The following SPON1 variants were observed in gnomAD, a reference collection of about 807,000 sequenced individuals.
SPON1 encodes spondin-1.
In SPON1, 52 loss-of-function variants were observed where a neutral mutation model predicts 111.7. The observed-to-expected ratio is 0.47, with a 90% confidence interval of 0.37 to 0.59. The LOEUF (loss-of-function observed/expected upper bound fraction) is 0.59, where lower values mean the gene tolerates loss of function less well. SPON1 is among the 20% of genes least tolerant of loss of function. The probability of loss-of-function intolerance (pLI) is 0.00; values close to 1 mark genes in which losing one functional copy is unlikely to be tolerated. For synonymous variants in SPON1, 410 were observed against 395.8 expected (o/e 1.04, Z -0.43); for missense variants, 957 against 1,068.5 (o/e 0.90, Z 1.46).
At chr11:14,040,150 A>G (rs965253283) in intron 2 of SPON1, among the ~76,000 whole-genome samples, 1 of 152,196 alleles carries the variant, frequency 6.6e-6, no homozygotes, top group South Asian at 2.1e-4. Context: ...CTACTACATT[A>G]TCAATCTTGC....
At chr11:14,130,355 A>G (rs1847514430) in intron 5 of SPON1, among the ~76,000 whole-genome samples, 1 of 152,178 alleles carries the variant, frequency 6.6e-6, no homozygotes, top group Admixed American at 6.5e-5. Flanking sequence ...TTGGTGGTAA[A>G]TGGCATTGGA....
At chr11:13,991,555 C>T (rs1272694454) in intron 2 of SPON1, among the ~76,000 whole-genome samples, 1 of 152,102 alleles carries the variant, frequency 6.6e-6, no homozygotes, top group Non-Finnish European at 1.5e-5. Flanking sequence ...TGTTATTACC[C>T]GCCTTCTGAA....
intron 6 of SPON1, among the ~76,000 whole-genome samples, chr11:14,242,861 A>T (rs1376336369): frequency 6.6e-6 from 1 of 152,198 alleles, no homozygotes; most frequent in African/African-American, 2.4e-5. Context: ...GATCCAGCGC[A>T]TGGGTCTCAC....
intron 5 of SPON1, among the ~76,000 whole-genome samples, chr11:14,107,765 G>A (rs1439923969): frequency 1.3e-5 from 2 of 152,154 alleles, no homozygotes; most frequent in African/African-American, 2.4e-5. Flanking sequence ...TCTAAAGTGA[G>A]AGAAACTGTA....
chr11:14,173,542 GC>G (rs1848134746), intron 6 of SPON1, among the ~76,000 whole-genome samples: 1 of 152,196 alleles, frequency 6.6e-6, no homozygotes, highest in African/African-American at 2.4e-5. Context: ...ATGAGGAGCT[GC>G]GTTCCTTTGG....
intron 3 of SPON1, among the ~76,000 whole-genome samples, chr11:14,058,582 G>T (rs192435030): frequency 2.0e-5 from 3 of 152,270 alleles, no homozygotes; most frequent in Admixed American, 2.0e-4. Context: ...CAAGCAGGTG[G>T]AGCAAGGAGG....
At chr11:14,147,473 A>T (rs1212343964) in intron 6 of SPON1, among the ~76,000 whole-genome samples, 1 of 152,178 alleles carries the variant, frequency 6.6e-6, no homozygotes, top group East Asian at 1.9e-4. Context: ...GCTAGAGTGC[A>T]GTGGCACAAA....
intron 6 of SPON1, among the ~76,000 whole-genome samples, 166 bp from the exon 7 acceptor site, chr11:14,243,165 GA>G (rs1351363757): frequency 2.6e-5 from 4 of 152,180 alleles, no homozygotes; most frequent in Non-Finnish European, 4.4e-5. Context: ...CGGTATCACT[GA>G]GGCCCCAGGG....
At chr11:14,015,101 C>T (rs1438509108) in intron 2 of SPON1, among the ~76,000 whole-genome samples, 1 of 152,176 alleles carries the variant, frequency 6.6e-6, no homozygotes, top group African/African-American at 2.4e-5. Context: ...TGGCTCAAAG[C>T]TTATTTCTTG....
intron 6 of SPON1, among the ~76,000 whole-genome samples, chr11:14,178,075 C>A (rs1046273797): frequency 6.6e-6 from 1 of 151,440 alleles, no homozygotes; most frequent in Non-Finnish European, 1.5e-5. Context: ...CACACACACA[C>A]GCTTTGGTCT....
intron 5 of SPON1, among the ~76,000 whole-genome samples, chr11:14,106,403 G>T (rs1208611586): frequency 2.6e-5 from 4 of 152,120 alleles, no homozygotes; most frequent in Non-Finnish European, 5.9e-5. Context: ...TTCTGCCAAA[G>T]CTAGTGTCAT....
intron 6 of SPON1, among the ~76,000 whole-genome samples, chr11:14,165,402 C>A (rs1337652994): frequency 1.3e-5 from 2 of 152,070 alleles, no homozygotes; most frequent in African/African-American, 4.8e-5. Context: ...ATGGGAGTGA[C>A]CCCCAAGGTG....
intron 6 of SPON1, among the ~76,000 whole-genome samples, chr11:14,161,269 C>CTATATATATTTATATATTTA (rs1847958505): frequency 1.2e-4 from 2 of 17,022 alleles, no homozygotes; most frequent in East Asian, 1.9e-3. Flanking sequence ...ATTTATATAT[C>CTATATATATTTATATATTTA]TGTATATCTA....
intron 2 of SPON1, among the ~76,000 whole-genome samples, chr11:14,001,067 C>A (rs968802714): frequency 2.0e-5 from 3 of 152,198 alleles, no homozygotes; most frequent in Non-Finnish European, 4.4e-5. Flanking sequence ...TTACTTCCAT[C>A]AGAGAACTGA....
At chr11:14,230,728 T>G (rs1344051209) in intron 6 of SPON1, among the ~76,000 whole-genome samples, 3 of 151,848 alleles carry the variant, frequency 2.0e-5, no homozygotes, top group Non-Finnish European at 4.4e-5. Flanking sequence ...GGATGCGACC[T>G]TTTCTTTTTA....
intron 3 of SPON1, among the ~76,000 whole-genome samples, chr11:14,043,218 A>G (rs1848644993): frequency 6.6e-6 from 1 of 152,216 alleles, no homozygotes; most frequent in Non-Finnish European, 1.5e-5. Context: ...AGAGTCTCAA[A>G]GACAGGCAGA....
intron 3 of SPON1, among the ~76,000 whole-genome samples, chr11:14,052,596 G>A (rs573063405): frequency 6.6e-6 from 1 of 152,314 alleles, no homozygotes; most frequent in East Asian, 1.9e-4. Flanking sequence ...TCTTGGGAGA[G>A]CAGTTGGAAA....
chr11:14,162,318 A>G (rs1847975986), intron 6 of SPON1, among the ~76,000 whole-genome samples: 2 of 152,206 alleles, frequency 1.3e-5, no homozygotes. Context: ...CCTCCATTCC[A>G]ATTCAAATGA....
At chr11:14,178,997 A>G (rs1307205751) in intron 6 of SPON1, among the ~76,000 whole-genome samples, 2 of 152,246 alleles carry the variant, frequency 1.3e-5, no homozygotes, top group Non-Finnish European at 2.9e-5. Context: ...TACATCTACA[A>G]GAGTGCAGCA....
Sources: gnomAD v4.1 joint callset for allele counts (sites outside exome capture counted in the v4.1 genomes callset) on GRCh38, gnomAD v4.1.1 for gene constraint, MANE v1.5 for transcripts, NCBI Gene and HGNC (gene_info 2026-07-23, HGNC 2026-07-21) for gene names.